Variants in PLPP7 observed in about 807,000 individuals in gnomAD.
PLPP7 encodes the protein inactive phospholipid phosphatase 7.
PLPP7 carries 11 observed loss-of-function variants against 16.9 expected under a neutral mutation model. The observed-to-expected ratio is 0.65, with a 90% CI of 0.41 to 1.08. The LOEUF is 1.08. Among genes scored for constraint, PLPP7 ranks in the 50% least tolerant of loss-of-function variants. PLPP7 has a pLI of 0.00. For missense variants in PLPP7, 358 were observed against 397.1 expected (o/e 0.90, Z 0.84); for synonymous variants, 174 against 175.1 (o/e 0.99, Z 0.05).
chr9:131,297,258 C>T (rs1304848193), intron 1 of PLPP7, among the ~76,000 whole-genome samples: 4 of 152,226 alleles, frequency 2.6e-5, no homozygotes, highest in Non-Finnish European at 4.4e-5. Flanking sequence ...CTGGGACCTG[C>T]TCCTAGCAGG....
At position 131,308,029 on chromosome 9, in the gene PLPP7, C is replaced by A; in HGVS notation, c.558C>A (p.Ile186=). ...PSLLDYLTMD[I]YAFPAGHASR... is the part of the protein sequence containing the mutation. The stretch of plus-strand genomic sequence containing the variant: ...TCCTGGACTACCTCACCATGGACAT[C>A]TACGCCTTCCCGGCCGGGCACGCCA... Residue 186 remains isoleucine (I), a synonymous_variant, in exon 2 of 2, where the codon ATC becomes ATA. Coordinates refer to ENST00000372264, the MANE Select transcript of PLPP7 (RefSeq NM_032728.4). 1 of 1,601,094 alleles carries A rather than the reference C, an allele frequency of 6.2e-7. No individual in the cohort carries two copies. The highest frequency in any genetic ancestry group is 8.5e-7 in the Non-Finnish European group (1 of 1,179,854).
chr9:131,308,273 A>G lies in PLPP7; in HGVS notation c.802A>G (p.Ile268Val). The G allele has an allele frequency of 5.0e-6, 8 of 1,592,152 alleles. No homozygotes were observed. The highest frequency in any genetic ancestry group is 2.7e-5 in the African/African-American group (2 of 74,900). Residue 268 changes from isoleucine to valine, a missense_variant, in exon 2 of 2, where the codon ATC becomes GTC. Physicochemically the swap from Ile to Val is conservative, Grantham distance 29. Transcript: ENST00000372264. ...GCCCTCCAGCACCTGCCAGATGCTCATCTCTGCCTGGTGAAGCGCCCGCCG... is the reference window on the plus strand; with the variant it reads ...GCCCTCCAGCACCTGCCAGATGCTCGTCTCTGCCTGGTGAAGCGCCCGCCG... ...WMPSSTCQML[I>V]SAW
At position 131,308,025 on chromosome 9, in the gene PLPP7, A is replaced by G; in HGVS notation, c.554A>G (p.Asp185Gly). ...SPSLLDYLTMDIYAFPAGHAS... is the reference protein window; with the variant it reads ...SPSLLDYLTMGIYAFPAGHAS... ...AGCCTCCTGGACTACCTCACCATGG[A>G]CATCTACGCCTTCCCGGCCGGGCAC... is the stretch of plus-strand genomic sequence containing the variant. The change falls in exon 2 of 2, where the codon GAC becomes GGC. Residue 185 changes from aspartate to glycine, a missense_variant. Transcript: ENST00000372264. 1 of 1,601,048 alleles carries G rather than the reference A, an allele frequency of 6.2e-7. No individual in the cohort carries two copies. Among genetic ancestry groups the G allele is most frequent in the Non-Finnish European group, 8.5e-7 (1 of 1,179,838 alleles).
intron 1 of PLPP7, among the ~76,000 whole-genome samples, chr9:131,294,921 AG>A (rs1399134808): frequency 6.6e-6 from 1 of 151,688 alleles, no homozygotes; most frequent in Non-Finnish European, 1.5e-5. Flanking sequence ...CTGGGATTAC[AG>A]GCTTGAGCCA....
Position 131,289,988 on chromosome 9 carries a change from C to T in PLPP7, c.-10C>T, listed in dbSNP as rs756451921. ...CTGGCATCGGCCTTCTCGGGGTGAG[C>T]GAGGTCACCATGCCAGCTTCCCAGA... On this transcript the variant is annotated 5_prime_UTR_variant, in exon 1 of 2. Transcript: ENST00000372264. 19 of 1,429,438 alleles carry T rather than the reference C, an allele frequency of 1.3e-5. No homozygotes were observed. The African/African-American group carries it at 1.9e-4, about 14-fold the overall frequency. 88.5% of individuals were successfully genotyped at this position (1,429,438 alleles called of 1,614,324 possible).
At chr9:131,304,744 G>A (rs1564248718) in intron 1 of PLPP7, among the ~76,000 whole-genome samples, 1 of 152,202 alleles carries the variant, frequency 6.6e-6, no homozygotes, top group Non-Finnish European at 1.5e-5. Context: ...TCTAGCCACG[G>A]GGAAAAAAAC....
chr9:131,293,204 A>AC (rs1478945088), intron 1 of PLPP7, among the ~76,000 whole-genome samples: 4 of 150,680 alleles, frequency 2.7e-5, no homozygotes, highest in African/African-American at 7.3e-5. Flanking sequence ...GTGACTGCAA[A>AC]CCCCCCCACT....
chr9:131,293,746 C>T (rs1564245810), intron 1 of PLPP7, among the ~76,000 whole-genome samples: 1 of 151,770 alleles, frequency 6.6e-6, no homozygotes, highest in African/African-American at 2.4e-5. Context: ...CTCAGTTTCC[C>T]TATCTGGGGG....
Position 131,308,182 on chromosome 9 carries a change from C to T in PLPP7, c.711C>T (p.Val237=). The T allele has an allele frequency of 6.2e-7, 1 of 1,600,168 alleles. No individual in the cohort carries two copies. Among genetic ancestry groups the T allele is most frequent in the Non-Finnish European group, 8.5e-7 (1 of 1,179,828 alleles). Reference sequence around the variant, plus strand: ...GCGTGATGATCGGCCGCCACCACGTCACGGACGTCCTCTCCGGCTTTGTCA... The same window carrying T: ...GCGTGATGATCGGCCGCCACCACGTTACGGACGTCCTCTCCGGCTTTGTCA... ...LSRVMIGRHH[V]TDVLSGFVIG... Residue 237 remains valine, a synonymous_variant, in exon 2 of 2, where the codon GTC becomes GTT. Coordinates refer to ENST00000372264, the MANE Select transcript of PLPP7 (RefSeq NM_032728.4).
chr9:131,291,396 A>C, intron 1 of PLPP7: 1 of 1,163,894 alleles, frequency 8.6e-7, no homozygotes, highest in Non-Finnish European at 1.1e-6. Context: ...ACCACGGAGA[A>C]CATCAGTTCC....
chr9:131,302,179 A>C (rs892148676), intron 1 of PLPP7, among the ~76,000 whole-genome samples: 1 of 152,042 alleles, frequency 6.6e-6, no homozygotes, highest in African/African-American at 2.4e-5. Context: ...ACCCCTCCTC[A>C]AAGCCCCAGC....
At chr9:131,292,933 T>A in intron 1 of PLPP7, 1 of 985,428 alleles carries the variant, frequency 1.0e-6, no homozygotes, top group Non-Finnish European at 1.2e-6. Flanking sequence ...GATGAAGATT[T>A]GAGTTGCCTT....
Position 131,308,509 on chromosome 9 carries a change from C to T in PLPP7, c.*222C>T, listed in dbSNP as rs899286452. ...CAGGCCTCTTGCCCCTTTGCTTGGA[C>T]TCCAAGTCTCCTCTCTAGGCAGCCA... On this transcript the variant is annotated 3_prime_UTR_variant, in exon 2 of 2. Transcript: ENST00000372264. 1.1e-5 allele frequency: 8 copies of T among 731,582 alleles called. No homozygotes were observed. The highest frequency in any genetic ancestry group is 5.3e-5 in the African/African-American group (3 of 56,220). The allele number at this position is 731,582 out of a possible 1,614,324, so 45.3% of individuals were successfully genotyped here.
intron 1 of PLPP7, among the ~76,000 whole-genome samples, chr9:131,304,762 C>G (rs1023009843): frequency 6.6e-6 from 1 of 152,226 alleles, no homozygotes; most frequent in Non-Finnish European, 1.5e-5. Context: ...AACCTATGAA[C>G]AAACAGGCAC....
At chr9:131,293,735 C>T (rs577684089) in intron 1 of PLPP7, among the ~76,000 whole-genome samples, 111 of 152,196 alleles carry the variant, frequency 7.3e-4, no homozygotes, top group Non-Finnish European at 1.3e-3. Flanking sequence ...TGTCTCTGAG[C>T]CTCAGTTTCC....
At chr9:131,293,427 T>G (rs1306423833) in intron 1 of PLPP7, among the ~76,000 whole-genome samples, 1 of 152,152 alleles carries the variant, frequency 6.6e-6, no homozygotes, top group Non-Finnish European at 1.5e-5. Flanking sequence ...GACCCCGAGG[T>G]CACTCTGTGG....
Position 131,308,329 on chromosome 9 carries a change from C to G in PLPP7, c.*42C>G. On this transcript the variant is annotated 3_prime_UTR_variant, in exon 2 of 2. Transcript: ENST00000372264. ...CACAAGCCTCTGGGGGCAGGGCTGG[C>G]CCTAGAGAAGGGGCAGGGGGTGGCG... The G allele has an allele frequency of 6.5e-7, 1 of 1,540,188 alleles. No individual in the cohort carries two copies. The highest frequency in any genetic ancestry group is 8.7e-7 in the Non-Finnish European group (1 of 1,148,432).
At chr9:131,307,815 G>C in intron 1 of PLPP7, 108 bp from the exon 2 acceptor site, 1 of 1,186,282 alleles carries the variant, frequency 8.4e-7, no homozygotes, top group South Asian at 1.6e-5. Context: ...TGGCTGAGTG[G>C]CCTGAGTGAG....
intron 1 of PLPP7, among the ~76,000 whole-genome samples, chr9:131,301,486 C>T (rs1339433046): frequency 1.3e-5 from 2 of 152,228 alleles, no homozygotes; most frequent in Admixed American, 6.5e-5. Context: ...CACCAACCAC[C>T]ACCACCAGGA....
Sources: allele counts gnomAD v4.1 joint callset (sites outside exome capture counted in the v4.1 genomes callset), GRCh38; gene constraint gnomAD v4.1.1; transcripts MANE v1.5; gene names NCBI Gene and HGNC (gene_info 2026-07-23, HGNC 2026-07-21).